RPS6KC1: variants seen among roughly 807,000 people sequenced by gnomAD.
The protein encoded by RPS6KC1 is inactive ribosomal protein S6 kinase delta-1.
In RPS6KC1, 54 loss-of-function variants were observed where a neutral mutation model predicts 103.8. That is an observed-to-expected ratio of 0.52 (90% confidence interval 0.42 to 0.65). The LOEUF (loss-of-function observed/expected upper bound fraction) is 0.65, where lower values mean the gene tolerates loss of function less well. RPS6KC1 is among the 30% of genes least tolerant of loss of function. The probability of loss-of-function intolerance (pLI) is 0.00; values close to 1 mark genes in which losing one functional copy is unlikely to be tolerated. For synonymous variants in RPS6KC1, 439 were observed against 438.7 expected, an observed-to-expected ratio of 1.00 and a Z score of -0.01; for missense variants, 1,151 against 1,253.8, an observed-to-expected ratio of 0.92 and a Z score of 1.24.
the RPS6KC1 span, among the ~76,000 whole-genome samples, chr1:213,424,376 A>G: frequency 1.4e-4 from 21 of 152,348 alleles, no homozygotes; most frequent in South Asian, 4.4e-3. Context: ...ACACACATGA[A>G]AAAAAAGTAG....
chr1:213,558,968 C>A, the RPS6KC1 span, among the ~76,000 whole-genome samples: 1 of 152,218 alleles, frequency 6.6e-6, no homozygotes, highest in East Asian at 1.9e-4. Context: ...ATTCTTGAAT[C>A]TTTCTTTGAT....
the RPS6KC1 span, among the ~76,000 whole-genome samples, chr1:213,545,670 TGG>T: frequency 6.6e-6 from 1 of 152,032 alleles, no homozygotes; most frequent in African/African-American, 2.4e-5. Flanking sequence ...TCTGAGGTAC[TGG>T]GGGGTTAGGA....
At chr1:213,278,242 G>C (rs2095115892), downstream of RPS6KC1, among the ~76,000 whole-genome samples, 1 of 151,916 alleles carries the variant, frequency 6.6e-6, no homozygotes, top group Non-Finnish European at 1.5e-5. Context: ...TGGGTATTTG[G>C]TTAGGAATCC....
At chr1:213,300,591 T>G in the RPS6KC1 span, among the ~76,000 whole-genome samples, 1 of 152,158 alleles carries the variant, frequency 6.6e-6, no homozygotes. Context: ...TTGGAGGCTC[T>G]GTGTGTGGGG....
chr1:213,724,901 G>A, the RPS6KC1 span, among the ~76,000 whole-genome samples: 1 of 152,230 alleles, frequency 6.6e-6, no homozygotes, highest in East Asian at 1.9e-4. Context: ...CACATTTATA[G>A]TCAAAGAAAC....
At chr1:213,459,311 G>A in the RPS6KC1 span, among the ~76,000 whole-genome samples, 9 of 151,950 alleles carry the variant, frequency 5.9e-5, no homozygotes, top group Middle Eastern at 3.2e-3. Flanking sequence ...TCAGGGATTC[G>A]GCTTCTTCCT....
intron 7 of RPS6KC1, among the ~76,000 whole-genome samples, chr1:213,172,885 G>A (rs1049479515): frequency 2.0e-5 from 3 of 152,148 alleles, no homozygotes; most frequent in Non-Finnish European, 2.9e-5. Flanking sequence ...GCTAATAAAT[G>A]TAAGTGAAAA....
chr1:213,609,559 T>A, the RPS6KC1 span, among the ~76,000 whole-genome samples: 1 of 151,978 alleles, frequency 6.6e-6, no homozygotes, highest in East Asian at 1.9e-4. Flanking sequence ...GGCTTGTGCA[T>A]CCCCGGAAAT....
chr1:213,691,898 C>T, the RPS6KC1 span, among the ~76,000 whole-genome samples: 4 of 152,142 alleles, frequency 2.6e-5, no homozygotes, highest in Non-Finnish European at 4.4e-5. Flanking sequence ...GGCAGGAAGG[C>T]TCAAGGACAA....
the RPS6KC1 span, among the ~76,000 whole-genome samples, chr1:213,689,132 G>T: frequency 6.6e-6 from 1 of 152,148 alleles, no homozygotes; most frequent in African/African-American, 2.4e-5. Flanking sequence ...AAAGCAGTCA[G>T]AGGAGGGATC....
At chr1:213,752,737 G>A in the RPS6KC1 span, among the ~76,000 whole-genome samples, 2 of 152,188 alleles carry the variant, frequency 1.3e-5, no homozygotes, top group Non-Finnish European at 2.9e-5. Flanking sequence ...GACTTAGCTG[G>A]AGGACACCCA....
chr1:213,359,496 T>C, the RPS6KC1 span, among the ~76,000 whole-genome samples: 1 of 152,232 alleles, frequency 6.6e-6, no homozygotes, highest in African/African-American at 2.4e-5. Context: ...CTGATGGGTC[T>C]TGACTCTTTA....
intron 7 of RPS6KC1, among the ~76,000 whole-genome samples, chr1:213,169,035 G>T (rs1404106002): frequency 6.6e-6 from 1 of 151,728 alleles, no homozygotes; most frequent in Non-Finnish European, 1.5e-5. Flanking sequence ...GTAATTTTTT[G>T]CTGGGTAGTT....
chr1:213,281,170 A>G, the RPS6KC1 span, among the ~76,000 whole-genome samples: 1 of 152,096 alleles, frequency 6.6e-6, no homozygotes, highest in African/African-American at 2.4e-5. Flanking sequence ...TTAAGGGGCT[A>G]TTTCCCCCAT....
chr1:213,069,283 A>G (rs1325955894), intron 1 of RPS6KC1, among the ~76,000 whole-genome samples: 1 of 152,174 alleles, frequency 6.6e-6, no homozygotes, highest in African/African-American at 2.4e-5. Flanking sequence ...CCAAGTTTAT[A>G]TATTCTGAAA....
chr1:213,609,369 G>A, the RPS6KC1 span, among the ~76,000 whole-genome samples: 2 of 152,136 alleles, frequency 1.3e-5, no homozygotes, highest in Non-Finnish European at 2.9e-5. Flanking sequence ...TCTCACTTCT[G>A]GTCTCCTAAG....
chr1:213,607,049 A>G, the RPS6KC1 span, among the ~76,000 whole-genome samples: 9 of 152,136 alleles, frequency 5.9e-5, no homozygotes, highest in African/African-American at 1.9e-4. Context: ...CAAGACATCC[A>G]CTCAGCCCAG....
chr1:213,074,493 C>T (rs1193451468), intron 2 of RPS6KC1, among the ~76,000 whole-genome samples: 1 of 152,102 alleles, frequency 6.6e-6, no homozygotes, highest in East Asian at 1.9e-4. Flanking sequence ...TCAGTACTTG[C>T]TGTTGTAGTG....
intron 3 of RPS6KC1, among the ~76,000 whole-genome samples, chr1:213,079,290 G>A (rs1260012321): frequency 6.6e-6 from 1 of 152,090 alleles, no homozygotes; most frequent in East Asian, 1.9e-4. Flanking sequence ...GTACAGTAGG[G>A]TGAATTCCTG....
Sources: allele counts gnomAD v4.1 joint callset (sites outside exome capture counted in the v4.1 genomes callset), GRCh38; gene constraint gnomAD v4.1.1; transcripts MANE v1.5; gene names NCBI Gene and HGNC (gene_info 2026-07-23, HGNC 2026-07-21).